The following GRAMD1C variants were observed in gnomAD, a reference collection of about 807,000 sequenced individuals.
The protein encoded by GRAMD1C is GRAM domain containing 1C.
Under a neutral mutation model 97.8 loss-of-function variants are expected in GRAMD1C, and 89 were observed. That is an observed-to-expected ratio of 0.91 (90% CI 0.77 to 1.09). GRAMD1C has a LOEUF of 1.09. GRAMD1C is among the 50% of genes least tolerant of loss of function. GRAMD1C has a pLI of 0.00. For missense variants in GRAMD1C, 740 were observed against 766.4 expected (o/e 0.97, Z 0.41); for synonymous variants, 256 against 267.0 (o/e 0.96, Z 0.40).
At position 113,856,041 on chromosome 3, in the gene GRAMD1C, A is replaced by G. The variant is rs186739571; in HGVS notation, c.174+11392A>G. On this transcript the variant is annotated intron_variant, in intron 2 of 17. Coordinates refer to ENST00000358160, the MANE Select transcript of GRAMD1C (RefSeq NM_017577.5). Reference sequence around the variant, plus strand: ...GTAGCTGGGATTACAGGCACGTGCCACCAGCTAAGCTAATTTTTATATTTT... The same window carrying G: ...GTAGCTGGGATTACAGGCACGTGCCGCCAGCTAAGCTAATTTTTATATTTT... Among the ~76,000 whole-genome samples, 601 of 152,058 alleles carry G rather than the reference A, an allele frequency of 4.0e-3. 8 individuals carry two copies. The highest frequency in any genetic ancestry group is 0.03 in the South Asian group (144 of 4,804).
intron 2 of GRAMD1C, among the ~76,000 whole-genome samples, chr3:113,851,766 C>T (rs1425716246): frequency 6.6e-6 from 1 of 152,148 alleles, no homozygotes; most frequent in Non-Finnish European, 1.5e-5. Context: ...GATCCATCCA[C>T]CTCAGCCTCC....
intron 3 of GRAMD1C, among the ~76,000 whole-genome samples, chr3:113,874,998 TAGCTTCTCC>T (rs1398152785): frequency 6.6e-6 from 1 of 152,244 alleles, no homozygotes; most frequent in East Asian, 1.9e-4. Flanking sequence ...TTACATGATG[TAGCTTCTCC>T]AGCTTCTCCA....
At chr3:113,888,271 A>G (rs1003933017) in intron 6 of GRAMD1C, among the ~76,000 whole-genome samples, 1 of 152,218 alleles carries the variant, frequency 6.6e-6, no homozygotes. Context: ...GGTATATACT[A>G]TTATCAAGTA....
chr3:113,902,262 C>A (rs1936204456), intron 7 of GRAMD1C, among the ~76,000 whole-genome samples: 1 of 152,144 alleles, frequency 6.6e-6, no homozygotes, highest in Non-Finnish European at 1.5e-5. Context: ...AGCTTAGCAT[C>A]AGTATTTTAT....
intron 16 of GRAMD1C, 27 bp downstream of exon 16, chr3:113,940,023 T>G (rs1463437760): frequency 8.5e-7 from 1 of 1,177,394 alleles, no homozygotes; most frequent in Non-Finnish European, 1.3e-6. Flanking sequence ...CTGACCTGTA[T>G]TCACCATATT....
chr3:113,930,552 ATC>A (rs1175524485), intron 10 of GRAMD1C, among the ~76,000 whole-genome samples, 160 bp from the exon 11 acceptor site: 1 of 152,234 alleles, frequency 6.6e-6, no homozygotes. Flanking sequence ...TTAACATTTA[ATC>A]TCTCTTTTCT....
At chr3:113,921,412 C>T (rs754933510) in intron 10 of GRAMD1C, among the ~76,000 whole-genome samples, 34 of 152,250 alleles carry the variant, frequency 2.2e-4, no homozygotes, top group Non-Finnish European at 3.8e-4. Context: ...AATAGTGCTG[C>T]GATGAATATA....
At chr3:113,939,734 A>G in intron 15 of GRAMD1C, 152 bp from the exon 16 acceptor site, 3 of 538,742 alleles carry the variant, frequency 5.6e-6, no homozygotes, top group East Asian at 6.4e-5. Flanking sequence ...ATTATTTCAT[A>G]TAATAAAATA....
chr3:113,904,422 T>C (rs761462721), intron 8 of GRAMD1C, 150 bp downstream of exon 8: 9 of 590,994 alleles, frequency 1.5e-5, no homozygotes, highest in Non-Finnish European at 2.6e-5. Flanking sequence ...AGTCTGTTAG[T>C]AGCAGAGATT....
intron 6 of GRAMD1C, among the ~76,000 whole-genome samples, chr3:113,896,230 C>G (rs1935938620): frequency 6.6e-6 from 1 of 152,192 alleles, no homozygotes; most frequent in Non-Finnish European, 1.5e-5. Context: ...GCTCATCTTA[C>G]TTGACCTTTC....
chr3:113,849,998 G>A (rs1223687603), intron 2 of GRAMD1C, among the ~76,000 whole-genome samples: 13 of 126,804 alleles, frequency 1.0e-4, no homozygotes, highest in Non-Finnish European at 1.8e-4. Flanking sequence ...CCTCCCGGAC[G>A]GGGTGGCTGG....
intron 16 of GRAMD1C, 31 bp downstream of exon 16, chr3:113,940,027 C>T (rs775794419): frequency 8.6e-7 from 1 of 1,163,324 alleles, no homozygotes; most frequent in Admixed American, 1.7e-5. Context: ...CCTGTATTCA[C>T]CATATTATTT....
At chr3:113,876,918 G>A (rs1935066738) in intron 5 of GRAMD1C, among the ~76,000 whole-genome samples, 2 of 151,928 alleles carry the variant, frequency 1.3e-5, no homozygotes, top group Non-Finnish European at 2.9e-5. Context: ...GAGAGTTTTG[G>A]GGGAGGAGGG....
chr3:113,919,765 G>A (rs953316809), intron 10 of GRAMD1C: 5 of 590,854 alleles, frequency 8.5e-6, no homozygotes, highest in South Asian at 3.0e-5. Flanking sequence ...AATATAGTAA[G>A]TCAAAGTATC....
intron 15 of GRAMD1C, chr3:113,938,672 A>T (rs907289021): frequency 6.6e-6 from 1 of 152,392 alleles, no homozygotes; most frequent in African/African-American, 2.4e-5. Flanking sequence ...GATGCAAGTG[A>T]TATGAGCATT....
chr3:113,889,164 C>T (rs963908875), intron 6 of GRAMD1C, among the ~76,000 whole-genome samples: 2 of 151,194 alleles, frequency 1.3e-5, no homozygotes, highest in African/African-American at 2.4e-5. Flanking sequence ...CGCGCTATTG[C>T]ACTCCAGCCT....
Position 113,911,691 on chromosome 3 carries a change from G to C in GRAMD1C, c.952+2571G>C, listed in dbSNP as rs1455366121. On this transcript the variant is annotated intron_variant, in intron 9 of 17. Coordinates refer to ENST00000358160, the MANE Select transcript of GRAMD1C (RefSeq NM_017577.5). ...CCTTTCTCTCTCTCTTTCTCTCTCT[G>C]TTTCTTTCCTTCCTTCCTTCCTTCC... Among the ~76,000 whole-genome samples the C allele has an allele frequency of 1.4e-3, 13 of 9,542 alleles. No individual in the cohort carries two copies. The East Asian group carries it at 0.023, about 17-fold the overall frequency. The allele number at this position is 9,542 out of a possible 152,430, so 6.3% of individuals were successfully genotyped here.
chr3:113,892,731 A>G (rs1935785606), intron 6 of GRAMD1C, among the ~76,000 whole-genome samples: 1 of 152,166 alleles, frequency 6.6e-6, no homozygotes, highest in Non-Finnish European at 1.5e-5. Flanking sequence ...GGACAATGGC[A>G]GCACCATTCT....
chr3:113,871,811 T>C (rs7628729), intron 3 of GRAMD1C, among the ~76,000 whole-genome samples: 90,495 of 146,714 alleles, frequency 0.62, 27,947 homozygotes, highest in Middle Eastern at 0.75. Context: ...CATGGTGGCA[T>C]GCACCTGTAG....
Sources: allele counts gnomAD v4.1 joint callset (sites outside exome capture counted in the v4.1 genomes callset), GRCh38; gene constraint gnomAD v4.1.1; transcripts MANE v1.5; gene names NCBI Gene and HGNC (gene_info 2026-07-23, HGNC 2026-07-21).